BCO2: variants seen among roughly 807,000 people sequenced by gnomAD.
BCO2 encodes the protein beta-carotene oxygenase 2, also known as carotenoid-cleaving dioxygenase, mitochondrial.
In BCO2, 56 loss-of-function variants were observed where a neutral mutation model predicts 65.8. The observed-to-expected ratio is 0.85, with a 90% CI of 0.69 to 1.06. The LOEUF is 1.06. Ranked by LOEUF, BCO2 falls within the 50% of genes least tolerant of loss-of-function variation. The pLI is 0.00. For missense variants in BCO2, 675 were observed against 698.5 expected (o/e 0.97, Z 0.38); for synonymous variants, 233 against 242.3 (o/e 0.96, Z 0.36).
intron 8 of BCO2, among the ~76,000 whole-genome samples, chr11:112,212,912 C>G (rs537730122): frequency 4.6e-5 from 7 of 152,144 alleles, no homozygotes; most frequent in African/African-American, 1.7e-4. Context: ...ACAGAACATC[C>G]CAAGAGCTCA....
chr11:112,193,056 C>A (rs924614684), intron 2 of BCO2, among the ~76,000 whole-genome samples: 1 of 147,682 alleles, frequency 6.8e-6, no homozygotes, highest in Admixed American at 6.9e-5. Context: ...CGGCTCACTG[C>A]AATCTCCGCC....
chr11:112,212,833 CA>C lies in BCO2; in HGVS notation c.1195-890del, dbSNP rs1368468643. 2.0e-5 allele frequency among the ~76,000 whole-genome samples: 3 copies of C among 152,194 alleles called. No individual in the cohort carries two copies. In the East Asian group the frequency reaches 5.8e-4, roughly 29 times the overall value. On this transcript the variant is annotated intron_variant, in intron 8 of 11. Coordinates refer to ENST00000357685, the MANE Select transcript of BCO2 (RefSeq NM_031938.7). ...TGTTCATTATAAATCACATTGTTAG[CA>C]TAAACTATCTGGACAAACTACTGCA...
At chr11:112,185,985 C>T (rs1310972509) in intron 2 of BCO2, among the ~76,000 whole-genome samples, 5 of 152,152 alleles carry the variant, frequency 3.3e-5, no homozygotes, top group Non-Finnish European at 5.9e-5. Flanking sequence ...AATCATCATG[C>T]CCTTTCCTCT....
chr11:112,206,162 G>T (rs1014246090), intron 8 of BCO2, among the ~76,000 whole-genome samples: 1 of 150,214 alleles, frequency 6.7e-6, no homozygotes, highest in Non-Finnish European at 1.5e-5. Context: ...CAGACAGGGC[G>T]GGGGCCGGGC....
intron 6 of BCO2, 97 bp downstream of exon 6, chr11:112,199,924 C>A: frequency 7.0e-7 from 1 of 1,425,264 alleles, no homozygotes; most frequent in Non-Finnish European, 9.6e-7. Flanking sequence ...TAGTTTATCA[C>A]GCTATGGTGA....
At chr11:112,193,849 T>C (rs1228418973) in intron 3 of BCO2, 30 bp from the exon 4 acceptor site, 1 of 1,488,478 alleles carries the variant, frequency 6.7e-7, no homozygotes. Context: ...TAAGCTGTGG[T>C]ACTTAAATAA....
intron 2 of BCO2, among the ~76,000 whole-genome samples, chr11:112,193,073 G>A (rs1291928363): frequency 1.3e-5 from 2 of 149,968 alleles, no homozygotes; most frequent in South Asian, 2.1e-4. Flanking sequence ...CGCCTCCCAG[G>A]TTCACGCCAT....
At chr11:112,199,574 A>G in intron 5 of BCO2, 125 bp from the exon 6 acceptor site, 1 of 767,020 alleles carries the variant, frequency 1.3e-6, no homozygotes, top group Non-Finnish European at 2.1e-6. Flanking sequence ...ACCCTTCAGG[A>G]AATAAGAGTG....
intron 11 of BCO2, among the ~76,000 whole-genome samples, chr11:112,217,417 C>T (rs1002697869): frequency 6.6e-6 from 1 of 152,164 alleles, no homozygotes; most frequent in Non-Finnish European, 1.5e-5. Flanking sequence ...GGTTGGAGTG[C>T]AGTGGCACAG....
rs557422307 is a variant in BCO2, at chr11:112,208,676, C to T, written c.1195-5048C>T. Reference sequence around the variant, plus strand: ...CATGCTCCATTAATAAGCTTCCCTGCTGGAAGAGACAATCCTAAACCCAAT... The same window carrying T: ...CATGCTCCATTAATAAGCTTCCCTGTTGGAAGAGACAATCCTAAACCCAAT... On this transcript the variant is annotated intron_variant, in intron 8 of 11. Transcript: ENST00000357685. 6.7e-5 allele frequency: 14 copies of T among 209,054 alleles called. No homozygotes were observed. The South Asian group carries it at 1.2e-3, about 18-fold the overall frequency. The allele number at this position is 209,054 out of a possible 1,614,324, so 12.9% of individuals were successfully genotyped here.
intron 8 of BCO2, among the ~76,000 whole-genome samples, chr11:112,211,138 A>G (rs1162964524): frequency 1.3e-5 from 2 of 152,000 alleles, no homozygotes; most frequent in African/African-American, 2.4e-5. Flanking sequence ...GGTAACCTCT[A>G]TTCTACTTTC....
Position 112,202,090 on chromosome 11 carries a change from A to G in BCO2, c.1094A>G (p.Gln365Arg). 1 of 1,613,888 alleles carries G rather than the reference A, an allele frequency of 6.2e-7. No homozygotes were observed. The highest frequency in any genetic ancestry group is 8.5e-7 in the Non-Finnish European group (1 of 1,179,842). The change falls in exon 8 of 12, where the codon CAG becomes CGG. Residue 365 changes from glutamine to arginine, a missense_variant. Gln to Arg is a conservative substitution (Grantham distance 43). Transcript: ENST00000357685. ...CATCAAATCAATGCCTTTGAGGACC[A>G]GGGCTGTGTTATAATTGATTTGTGC... Reference protein sequence around the residue: ...TFHQINAFEDQGCVIIDLCCQ... With the variant: ...TFHQINAFEDRGCVIIDLCCQ...
At chr11:112,180,719 G>C (rs1387997882) in intron 2 of BCO2, 3 of 800,552 alleles carry the variant, frequency 3.7e-6, no homozygotes, top group Non-Finnish European at 4.6e-6. Flanking sequence ...AAAGGTGGGA[G>C]GAGGACCAGG....
intron 2 of BCO2, chr11:112,179,802 ACT>A: frequency 3.2e-6 from 1 of 312,658 alleles, no homozygotes; most frequent in East Asian, 7.7e-5. Context: ...TCCTCATACC[ACT>A]CTCTCCCTCA....
At chr11:112,193,727 G>A (rs761693069) in intron 3 of BCO2, 30 bp downstream of exon 3, 30 of 1,586,126 alleles carry the variant, frequency 1.9e-5, no homozygotes, top group South Asian at 1.4e-4. Context: ...AAACTATTAC[G>A]ATATATAACC....
intron 5 of BCO2, among the ~76,000 whole-genome samples, chr11:112,198,450 T>A (rs1415512983): frequency 6.6e-6 from 1 of 152,034 alleles, no homozygotes; most frequent in African/African-American, 2.4e-5. Flanking sequence ...ATATAGTAGG[T>A]GCTCAAAAAG....
At chr11:112,202,591 C>G (rs1276438978) in intron 8 of BCO2, among the ~76,000 whole-genome samples, 1 of 152,006 alleles carries the variant, frequency 6.6e-6, no homozygotes, top group African/African-American at 2.4e-5. Context: ...CTAGGAATTA[C>G]GTGTTTCTCT....
rs570806749 is a variant in BCO2, at chr11:112,203,005, G to A, written c.1194+815G>A. ...GTGGAGGTTGCAGTGAACCAAGATC[G>A]CACCACTGCACCCCAGCCTGTGCAA... On this transcript the variant is annotated intron_variant, in intron 8 of 11. Coordinates refer to ENST00000357685, the MANE Select transcript of BCO2 (RefSeq NM_031938.7). Among the ~76,000 whole-genome samples the A allele has an allele frequency of 3.9e-4, 56 of 142,068 alleles. No homozygotes were observed. The East Asian group carries it at 0.011, about 27-fold the overall frequency. The allele number at this position is 142,068 out of a possible 152,430, so 93.2% of individuals were successfully genotyped here. A position where few individuals can be genotyped will look rare whatever the true frequency, so the allele number is the denominator to read the frequency against.
At chr11:112,183,407 T>G (rs1867111720) in intron 2 of BCO2, among the ~76,000 whole-genome samples, 1 of 152,194 alleles carries the variant, frequency 6.6e-6, no homozygotes, top group East Asian at 1.9e-4. Flanking sequence ...ATTTAATAGA[T>G]GTAGGGAAAC....
Sources: gnomAD v4.1 joint callset for allele counts (sites outside exome capture counted in the v4.1 genomes callset) on GRCh38, gnomAD v4.1.1 for gene constraint, MANE v1.5 for transcripts, NCBI Gene and HGNC (gene_info 2026-07-23, HGNC 2026-07-21) for gene names.